MPPED1: variants seen among roughly 807,000 people sequenced by gnomAD.
MPPED1 encodes metallophosphoesterase domain containing 1.
In MPPED1, 16 loss-of-function variants were observed where a neutral mutation model predicts 36.2. The ratio of observed to expected loss-of-function variants is 0.44; its 90% CI spans 0.30 to 0.67. The LOEUF is 0.67. MPPED1 is among the 30% of genes least tolerant of loss of function. The probability of loss-of-function intolerance (pLI) is 0.10; values close to 1 mark genes in which losing one functional copy is unlikely to be tolerated. For synonymous variants in MPPED1, 199 were observed against 191.3 expected (o/e 1.04, Z -0.33); for missense variants, 307 against 453.4 (o/e 0.68, Z 2.93).
intron 4 of MPPED1, among the ~76,000 whole-genome samples, chr22:43,485,186 A>G (rs1931873356): frequency 6.6e-6 from 1 of 152,054 alleles, no homozygotes; most frequent in East Asian, 1.9e-4. Context: ...ATTCACACGC[A>G]CACATACCTA....
intron 1 of MPPED1, among the ~76,000 whole-genome samples, chr22:43,422,198 G>A (rs1322783081): frequency 6.6e-6 from 1 of 152,224 alleles, no homozygotes; most frequent in African/African-American, 2.4e-5. Flanking sequence ...CAGGCAGCTA[G>A]GTCTGGGGGC....
chr22:43,480,661 C>G (rs2179850), intron 4 of MPPED1, among the ~76,000 whole-genome samples: 59,405 of 152,014 alleles, frequency 0.39, 11,992 homozygotes, highest in East Asian at 0.62. Flanking sequence ...TCTGTGACCT[C>G]TCTTTCCCCT....
intron 5 of MPPED1, among the ~76,000 whole-genome samples, chr22:43,501,938 G>C (rs1932747026): frequency 6.6e-6 from 1 of 151,950 alleles, no homozygotes; most frequent in African/African-American, 2.4e-5. Context: ...CTTCTTGGCA[G>C]TTGCAGAAAC....
chr22:43,490,404 C>A (rs1392662294), intron 4 of MPPED1, among the ~76,000 whole-genome samples: 1 of 152,140 alleles, frequency 6.6e-6, no homozygotes, highest in Non-Finnish European at 1.5e-5. Flanking sequence ...GGGAACAGGG[C>A]AGATTCCGGC....
intron 3 of MPPED1, among the ~76,000 whole-genome samples, chr22:43,451,260 C>A (rs895530311): frequency 1.3e-5 from 2 of 152,276 alleles, no homozygotes; most frequent in African/African-American, 4.8e-5. Context: ...CCGCCTCGGC[C>A]TCTCAAAATG....
chr22:43,487,957 G>A (rs941695873), intron 4 of MPPED1, among the ~76,000 whole-genome samples: 1 of 152,152 alleles, frequency 6.6e-6, no homozygotes, highest in Non-Finnish European at 1.5e-5. Flanking sequence ...TCATCACTCT[G>A]GGATGGACAC....
At chr22:43,469,261 A>G (rs1601987740) in intron 3 of MPPED1, among the ~76,000 whole-genome samples, 2 of 152,150 alleles carry the variant, frequency 1.3e-5, no homozygotes, top group East Asian at 1.9e-4. Flanking sequence ...AGAGAACAAC[A>G]TCCATTTCCT....
chr22:43,417,885 A>G (rs1929130164), intron 1 of MPPED1: 2 of 367,630 alleles, frequency 5.4e-6, no homozygotes, highest in Admixed American at 6.8e-5. Flanking sequence ...GACGGAGCCA[A>G]GGTGCGTCTA....
intron 3 of MPPED1, among the ~76,000 whole-genome samples, chr22:43,439,404 A>G (rs1930072442): frequency 1.3e-5 from 2 of 152,260 alleles, no homozygotes; most frequent in African/African-American, 4.8e-5. Context: ...ACTTGCTGAA[A>G]ATGGCAAAGA....
At position 43,498,221 on chromosome 22, in the gene MPPED1, C is replaced by T; in HGVS notation, c.633-14C>T. ...TCACCCGCCCTCCCTCAAACACCTG[C>T]ACTTCTTCTACAGGCAGCCCTGGTT... On this transcript the variant is annotated splice_polypyrimidine_tract_variant and intron_variant, in intron 4 of 6. Transcript: ENST00000443721. 5.9e-6 allele frequency: 9 copies of T among 1,531,292 alleles called. No individual in the cohort carries two copies. The highest frequency in any genetic ancestry group is 7.9e-6 in the Non-Finnish European group (9 of 1,143,192). 94.9% of individuals were successfully genotyped at this position (1,531,292 alleles called of 1,614,324 possible).
intron 3 of MPPED1, among the ~76,000 whole-genome samples, chr22:43,453,875 A>T (rs2146857313): frequency 6.6e-6 from 1 of 152,304 alleles, no homozygotes; most frequent in East Asian, 1.9e-4. Context: ...TTGTACAAAC[A>T]TCACTGCCTT....
intron 6 of MPPED1, among the ~76,000 whole-genome samples, chr22:43,504,019 G>T (rs1406525182): frequency 6.6e-6 from 1 of 152,154 alleles, no homozygotes; most frequent in African/African-American, 2.4e-5. Flanking sequence ...GGGAGGCAGA[G>T]AAAGTACATG....
intron 4 of MPPED1, among the ~76,000 whole-genome samples, chr22:43,479,028 C>T (rs1486499768): frequency 5.3e-5 from 8 of 152,152 alleles, no homozygotes; most frequent in East Asian, 1.9e-4. Flanking sequence ...AAGAACCCGC[C>T]GGCCTGGCTG....
At chr22:43,447,886 T>TATATATATATA (rs1569073295) in intron 3 of MPPED1, among the ~76,000 whole-genome samples, 1 of 110,454 alleles carries the variant, frequency 9.1e-6, no homozygotes, top group African/African-American at 4.7e-5. Context: ...TATATATATT[T>TATATATATATA]TTTTTTTTTT....
At chr22:43,449,422 A>ACCCCCCCCCCCCCCCCC (rs135045) in intron 3 of MPPED1, among the ~76,000 whole-genome samples, 91 of 127,316 alleles carry the variant, frequency 7.1e-4, no homozygotes, top group Admixed American at 9.1e-4. Context: ...GACAGTGCCA[A>ACCCCCCCCCCCCCCCCC]CCCCCCCCGC....
chr22:43,491,764 TGGA>T (rs1291115570), intron 4 of MPPED1, among the ~76,000 whole-genome samples: 77 of 149,378 alleles, frequency 5.2e-4, no homozygotes, highest in Admixed American at 1.1e-3. Flanking sequence ...GTAGTGGTGA[TGGA>T]GGTGGTAATG....
At chr22:43,435,289 T>C in intron 3 of MPPED1, 74 bp downstream of exon 3, 1 of 1,487,982 alleles carries the variant, frequency 6.7e-7, no homozygotes. Context: ...CGAGGCTGCC[T>C]GCCTGCCTTT....
At chr22:43,458,039 A>T (rs1930816229) in intron 3 of MPPED1, among the ~76,000 whole-genome samples, 2 of 152,322 alleles carry the variant, frequency 1.3e-5, no homozygotes, top group Admixed American at 6.5e-5. Flanking sequence ...ATTCAGTACG[A>T]TAACATGCTG....
At chr22:43,444,000 G>A (rs1019081749) in intron 3 of MPPED1, among the ~76,000 whole-genome samples, 1 of 152,162 alleles carries the variant, frequency 6.6e-6, no homozygotes, top group Non-Finnish European at 1.5e-5. Context: ...TGGATGGCTT[G>A]TGCAGCAGAG....
Sources: allele counts gnomAD v4.1 joint callset (sites outside exome capture counted in the v4.1 genomes callset), GRCh38; gene constraint gnomAD v4.1.1; transcripts MANE v1.5; gene names NCBI Gene and HGNC (gene_info 2026-07-23, HGNC 2026-07-21).